The following ERICH3 variants were observed in gnomAD, a reference collection of about 807,000 sequenced individuals.
The protein encoded by ERICH3 is glutamate-rich protein 3.
Under a neutral mutation model 131.1 loss-of-function variants are expected in ERICH3, and 126 were observed. The ratio of observed to expected loss-of-function variants is 0.96; its 90% CI spans 0.83 to 1.11. The LOEUF (loss-of-function observed/expected upper bound fraction) is 1.11, where lower values mean the gene tolerates loss of function less well. ERICH3 is among the 50% of genes most tolerant of loss of function. The pLI is 0.00. For synonymous variants in ERICH3, 695 were observed against 644.6 expected (o/e 1.08, Z -1.18); for missense variants, 2,050 against 1,810.7 (o/e 1.13, Z -2.40).
chr1:74,664,646 CTG>C (rs1157601098), intron 1 of ERICH3, among the ~76,000 whole-genome samples: 5 of 152,112 alleles, frequency 3.3e-5, no homozygotes, highest in Admixed American at 1.3e-4. Flanking sequence ...TAGTTCCCTG[CTG>C]TTTCTTTCCT....
chr1:74,599,764 C>T lies in ERICH3; in HGVS notation c.1657G>A (p.Asp553Asn), dbSNP rs1210519413. 6.2e-7 allele frequency: 1 copy of T among 1,612,452 alleles called. No individual in the cohort carries two copies. The change falls in exon 11 of 15, where the codon GAT becomes AAT. Residue 553 changes from aspartate to asparagine, a missense_variant. Coordinates refer to ENST00000326665, the MANE Select transcript of ERICH3 (RefSeq NM_001002912.5). ...TCATCTTTCACATTGTCACGGGCAT[C>T]TGGTGCCTTCTGTGATGAGGTTTCA... is the stretch of plus-strand genomic sequence containing the variant. ...ESETSSQKAP[D>N]ARDNVKDEND...
chr1:74,631,816 G>A lies in ERICH3; in HGVS notation c.716C>T (p.Pro239Leu), dbSNP rs1646341320. ...TTCTCTTGTGATTTTCCCAGTTGGG[G>A]GAAGTGGAGGAGGAATAGGCATCAT... Reference protein sequence around the residue: ...SYMMPIPPPLPPTGKITRENR... With the variant: ...SYMMPIPPPLLPTGKITRENR... The change falls in exon 7 of 15, where the codon CCC becomes CTC. Residue 239 changes from proline to leucine, a missense_variant. By Grantham distance (98) the Pro-to-Leu change is moderately conservative. Transcript: ENST00000326665. The A allele has an allele frequency of 6.2e-7, 1 of 1,613,444 alleles. No homozygotes were observed. Among genetic ancestry groups the A allele is most frequent in the Non-Finnish European group, 8.5e-7 (1 of 1,179,552 alleles).
At chr1:74,636,460 T>C (rs775990285) in intron 5 of ERICH3, 22 bp from the exon 6 acceptor site, 1 of 1,588,116 alleles carries the variant, frequency 6.3e-7, no homozygotes, top group Non-Finnish European at 8.6e-7. Context: ...GGGGAAAAAA[T>C]TCCATTTAAA....
At chr1:74,652,348 C>T (rs1446786311) in intron 1 of ERICH3, among the ~76,000 whole-genome samples, 1 of 152,108 alleles carries the variant, frequency 6.6e-6, no homozygotes, top group East Asian at 1.9e-4. Flanking sequence ...GGGCCAGTGT[C>T]AGCTACACTG....
Position 74,568,722 on chromosome 1 carries a change from A to G in ERICH3, c.*1736T>C, listed in dbSNP as rs1410472276. On this transcript the variant is annotated 3_prime_UTR_variant, in exon 15 of 15. Transcript: ENST00000326665. The stretch of plus-strand genomic sequence containing the variant: ...GAAAGAAAGACAGATAAATCAGAAG[A>G]CAGGAAAAGACAGAGAGACATAGAG... The G allele has an allele frequency of 6.6e-6, 1 of 152,196 alleles. No individual in the cohort carries two copies. Among genetic ancestry groups the G allele is most frequent in the Non-Finnish European group, 1.5e-5 (1 of 68,008 alleles). 9.4% of individuals were successfully genotyped at this position (152,196 alleles called of 1,614,324 possible).
intron 1 of ERICH3, among the ~76,000 whole-genome samples, chr1:74,663,412 C>T (rs1646660369): frequency 6.6e-6 from 1 of 152,102 alleles, no homozygotes; most frequent in Non-Finnish European, 1.5e-5. Context: ...CACTAAAGCT[C>T]TGTAGTGGAC....
chr1:74,609,472 G>A (rs1483719573), intron 9 of ERICH3, among the ~76,000 whole-genome samples: 2 of 151,966 alleles, frequency 1.3e-5, no homozygotes, highest in Non-Finnish European at 2.9e-5. Flanking sequence ...CAAAGCCAAG[G>A]TTACAGAAGG....
At chr1:74,579,817 T>C (rs1647144114) in intron 12 of ERICH3, 1 of 985,028 alleles carries the variant, frequency 1.0e-6, no homozygotes, top group African/African-American at 1.7e-5. Context: ...TACCTATCAA[T>C]AAAGGTGACC....
At chr1:74,641,544 G>A (rs1646437925) in intron 4 of ERICH3, 85 bp from the exon 5 acceptor site, 2 of 1,395,406 alleles carry the variant, frequency 1.4e-6, no homozygotes, top group Admixed American at 4.8e-5. Context: ...AATACTATAT[G>A]ACTAAAGAAA....
At position 74,634,595 on chromosome 1, in the gene ERICH3, T is replaced by G. The variant is rs957738911; in HGVS notation, c.603+1685A>C. 36 of 696,568 alleles carry G rather than the reference T, an allele frequency of 5.2e-5. 1 individual carries two copies. The African/African-American group carries it at 5.9e-4, about 11-fold the overall frequency. The allele number at this position is 696,568 out of a possible 1,614,324, so 43.1% of individuals were successfully genotyped here. A position where few individuals can be genotyped will look rare whatever the true frequency, so the allele number is the denominator to read the frequency against. On this transcript the variant is annotated intron_variant, in intron 6 of 14. Transcript: ENST00000326665. ...TAATACCTGATTGATGGTGTTCACATGTCTAATGAAACAAAGTATTGATCA... is the reference window on the plus strand; with the variant it reads ...TAATACCTGATTGATGGTGTTCACAGGTCTAATGAAACAAAGTATTGATCA...
At chr1:74,581,553 T>C (rs879481574) in intron 12 of ERICH3, among the ~76,000 whole-genome samples, 3 of 152,162 alleles carry the variant, frequency 2.0e-5, no homozygotes, top group Non-Finnish European at 4.4e-5. Flanking sequence ...ATTTTTCTGG[T>C]GAGAGTTAAT....
chr1:74,616,940 T>C (rs1252013449), intron 8 of ERICH3, among the ~76,000 whole-genome samples: 1 of 152,128 alleles, frequency 6.6e-6, no homozygotes, highest in Non-Finnish European at 1.5e-5. Flanking sequence ...TTTTTGACTT[T>C]TGGCCTGGAA....
intron 12 of ERICH3, chr1:74,578,400 G>C (rs1204839330): frequency 1.3e-5 from 2 of 152,470 alleles, no homozygotes; most frequent in East Asian, 3.8e-4. Flanking sequence ...TTTAGTTTCT[G>C]ACAATTCCCT....
chr1:74,629,565 G>T (rs1159891014), intron 7 of ERICH3, among the ~76,000 whole-genome samples: 1 of 152,068 alleles, frequency 6.6e-6, no homozygotes, highest in Non-Finnish European at 1.5e-5. Context: ...GGGATGAAGA[G>T]GCTGCTGCTC....
Position 74,571,166 on chromosome 1 carries a change from T to G in ERICH3, c.4544A>C (p.Gln1515Pro). The G allele has an allele frequency of 6.2e-7, 1 of 1,614,150 alleles. No homozygotes were observed. Among genetic ancestry groups the G allele is most frequent in the Non-Finnish European group, 8.5e-7 (1 of 1,180,008 alleles). The change falls in exon 14 of 15, where the codon CAA (glutamine) becomes CCA (proline). Residue 1515 changes from glutamine (Q) to proline (P), a missense_variant. Coordinates refer to ENST00000326665, the MANE Select transcript of ERICH3 (RefSeq NM_001002912.5). ...ETREKQQHMVQGESETADVSP... is the reference protein window; with the variant it reads ...ETREKQQHMVPGESETADVSP... ...AACATCTGCAGTCTCGCTTTCTCCT[T>G]GCACCATATGCTGTTGCTTCTCTCG...
At chr1:74,612,583 G>C in intron 9 of ERICH3, 40 bp downstream of exon 9, 1 of 1,470,642 alleles carries the variant, frequency 6.8e-7, no homozygotes, top group Non-Finnish European at 9.1e-7. Flanking sequence ...GAAAAATGTA[G>C]CAAAACTTGC....
chr1:74,592,660 C>A (rs1445880704), intron 11 of ERICH3, among the ~76,000 whole-genome samples: 1 of 152,142 alleles, frequency 6.6e-6, no homozygotes, highest in East Asian at 1.9e-4. Context: ...GAAATATACT[C>A]TGGTTCAAGT....
chr1:74,671,501 T>G (rs1458544587), intron 1 of ERICH3, among the ~76,000 whole-genome samples: 1 of 152,228 alleles, frequency 6.6e-6, no homozygotes, highest in African/African-American at 2.4e-5. Context: ...GTGGCCCAGC[T>G]GTAAAATTCC....
At chr1:74,573,516 A>T (rs757092911) in intron 13 of ERICH3, 25 bp from the exon 14 acceptor site, 1 of 1,490,042 alleles carries the variant, frequency 6.7e-7, no homozygotes, top group Non-Finnish European at 8.9e-7. Flanking sequence ...TTAGAAATCA[A>T]GATTACTTTA....
Sources: allele counts gnomAD v4.1 joint callset (sites outside exome capture counted in the v4.1 genomes callset), GRCh38; gene constraint gnomAD v4.1.1; transcripts MANE v1.5; gene names NCBI Gene and HGNC (gene_info 2026-07-23, HGNC 2026-07-21).